GLT8D2: variants seen among roughly 807,000 people sequenced by gnomAD.
GLT8D2 encodes glycosyltransferase 8 domain containing 2, also known as glycosyltransferase 8 domain-containing protein 2.
In GLT8D2, 45 loss-of-function variants were observed where a neutral mutation model predicts 44.5. The observed-to-expected ratio is 1.01, with a 90% CI of 0.80 to 1.30. The LOEUF (loss-of-function observed/expected upper bound fraction) is 1.30, where lower values mean the gene tolerates loss of function less well. Among genes scored for constraint, GLT8D2 ranks in the 50% most tolerant of loss-of-function variants. GLT8D2 has a pLI of 0.00. For missense variants in GLT8D2, 400 were observed against 430.4 expected (o/e 0.93, Z 0.62); for synonymous variants, 156 against 157.2 (o/e 0.99, Z 0.06).
chr12:104,021,838 GA>G (rs1877685287), intron 1 of GLT8D2, among the ~76,000 whole-genome samples: 1 of 116,296 alleles, frequency 8.6e-6, no homozygotes, highest in African/African-American at 3.2e-5. Context: ...AGAGAGAAAG[GA>G]AGGAAGGAGA....
chr12:104,064,383 C>T, upstream of GLT8D2: 2 of 524,294 alleles, frequency 3.8e-6, no homozygotes, highest in Admixed American at 8.8e-5. The surrounding 1 kb of genome is among the most constrained non-coding windows in gnomAD (Gnocchi z 7.3). Flanking sequence ...GCGGGGCTCC[C>T]CTGTCAGGAC....
At chr12:104,021,941 AGAAGAAGAAGAAGAGGAAGAAGAG>A (rs1877815570) in intron 1 of GLT8D2, among the ~76,000 whole-genome samples, 2 of 22,180 alleles carry the variant, frequency 9.0e-5, no homozygotes, top group African/African-American at 1.6e-4. Flanking sequence ...AAGAAGAAGA[AGAAGAAGAAGAAGAGGAAGAAGAG>A]GAAGAGGAAG....
chr12:104,057,084 C>A (rs1882239050), intron 1 of GLT8D2, among the ~76,000 whole-genome samples: 1 of 151,984 alleles, frequency 6.6e-6, no homozygotes, highest in African/African-American at 2.4e-5. Flanking sequence ...AGATGGGCAT[C>A]CAGAGAGACT....
At chr12:104,051,300 T>G (rs1474895250), upstream of GLT8D2, among the ~76,000 whole-genome samples, 1 of 152,146 alleles carries the variant, frequency 6.6e-6, no homozygotes, top group Non-Finnish European at 1.5e-5. Flanking sequence ...TTTAAAATTT[T>G]CTAGTAGCCA....
At chr12:104,042,003 G>C (rs888820004) in intron 1 of GLT8D2, among the ~76,000 whole-genome samples, 2 of 152,224 alleles carry the variant, frequency 1.3e-5, no homozygotes, top group Non-Finnish European at 2.9e-5. Context: ...AATCATTTCT[G>C]TATTTCCAGT....
Position 104,063,095 on chromosome 12 carries a change from A to C in GLT8D2, c.-423+854T>G, listed in dbSNP as rs372169550. Among the ~76,000 whole-genome samples, 362 of 152,242 alleles carry C rather than the reference A, an allele frequency of 2.4e-3. 5 individuals are homozygous for C. In the South Asian group the frequency reaches 0.027, roughly 11 times the overall value. ...TAGCCCCCATCCCCTTGCCAAGTCC[A>C]TACCACCCACTCCCCTGCCAAGTCC... is the stretch of plus-strand genomic sequence containing the variant. On this transcript the variant is annotated intron_variant, in intron 1 of 10. Transcript: ENST00000548660.
intron 2 of GLT8D2, among the ~76,000 whole-genome samples, chr12:104,020,458 G>A (rs1877484738): frequency 6.6e-6 from 1 of 152,142 alleles, no homozygotes; most frequent in Non-Finnish European, 1.5e-5. Flanking sequence ...TTTACATATT[G>A]AGATCCTACT....
At chr12:104,008,518 G>C (rs1038574694) in intron 4 of GLT8D2, among the ~76,000 whole-genome samples, 1 of 152,098 alleles carries the variant, frequency 6.6e-6, no homozygotes, top group Non-Finnish European at 1.5e-5. Context: ...CAGAGCATAA[G>C]AGTTCAGAAA....
At chr12:104,038,683 A>G (rs1045362984) in intron 1 of GLT8D2, among the ~76,000 whole-genome samples, 11 of 152,366 alleles carry the variant, frequency 7.2e-5, no homozygotes, top group Middle Eastern at 3.4e-3. Context: ...ATGTTCGTGA[A>G]TAGGAAGAAT....
intron 8 of GLT8D2, among the ~76,000 whole-genome samples, 171 bp from the exon 9 acceptor site, chr12:103,994,672 C>T (rs1873192840): frequency 6.6e-6 from 1 of 152,116 alleles, no homozygotes. Context: ...ATTTCTCCAA[C>T]CTCTAAATGC....
At chr12:104,004,811 G>A (rs1454717075) in intron 4 of GLT8D2, among the ~76,000 whole-genome samples, 1 of 152,084 alleles carries the variant, frequency 6.6e-6, no homozygotes, top group African/African-American at 2.4e-5. Flanking sequence ...ACTGCCCAAG[G>A]TAATTTATAG....
intron 1 of GLT8D2, among the ~76,000 whole-genome samples, chr12:104,035,718 G>T (rs751408424): frequency 3.3e-5 from 5 of 152,202 alleles, no homozygotes; most frequent in Non-Finnish European, 2.9e-5. Flanking sequence ...GTGACGGGGA[G>T]AATAGAATCA....
At chr12:104,001,756 C>T (rs188378317) in intron 5 of GLT8D2, among the ~76,000 whole-genome samples, 122 of 151,974 alleles carry the variant, frequency 8.0e-4, no homozygotes, top group Admixed American at 3.0e-3. Context: ...CAGGCTGAAG[C>T]GCAGTGGCAC....
At chr12:104,041,184 T>G (rs1335548441) in intron 1 of GLT8D2, among the ~76,000 whole-genome samples, 1 of 151,788 alleles carries the variant, frequency 6.6e-6, no homozygotes, top group Non-Finnish European at 1.5e-5. Context: ...GAGGCTGAGG[T>G]GGGTGGATCA....
chr12:104,019,529 C>A, intron 3 of GLT8D2, 101 bp downstream of exon 3: 2 of 940,386 alleles, frequency 2.1e-6, no homozygotes, highest in South Asian at 3.1e-5. Context: ...CCATGAAAAT[C>A]AAACACAATC....
At chr12:104,015,215 T>C (rs2136343360) in intron 3 of GLT8D2, 110 bp from the exon 4 acceptor site, 1 of 722,114 alleles carries the variant, frequency 1.4e-6, no homozygotes, top group East Asian at 2.7e-5. Context: ...AGAGGAGTGG[T>C]ATCTGAGACC....
intron 1 of GLT8D2, among the ~76,000 whole-genome samples, chr12:104,032,869 T>C (rs928711254): frequency 2.2e-5 from 3 of 138,688 alleles, no homozygotes; most frequent in Non-Finnish European, 3.1e-5. Context: ...CTCAGGTTCA[T>C]TGCAGCACTA....
intron 5 of GLT8D2, among the ~76,000 whole-genome samples, chr12:104,000,298 C>A (rs965386828): frequency 2.6e-5 from 4 of 152,184 alleles, no homozygotes; most frequent in African/African-American, 9.7e-5. Flanking sequence ...TGAACACTTA[C>A]TTCCAAATGG....
chr12:104,063,088 C>G (rs1287918922), intron 1 of GLT8D2, among the ~76,000 whole-genome samples: 1 of 152,146 alleles, frequency 6.6e-6, no homozygotes, highest in African/African-American at 2.4e-5. Context: ...ATCCCCTTGC[C>G]AAGTCCATAC....
Sources: allele counts gnomAD v4.1 joint callset (sites outside exome capture counted in the v4.1 genomes callset), GRCh38; gene constraint gnomAD v4.1.1; non-coding constraint Gnocchi (gnomAD v3.1); transcripts MANE v1.5; gene names NCBI Gene and HGNC (gene_info 2026-07-23, HGNC 2026-07-21).